HIVEP3: variants seen among roughly 807,000 people sequenced by gnomAD.
The protein encoded by HIVEP3 is HIVEP zinc finger 3.
Under a neutral mutation model 152.8 loss-of-function variants are expected in HIVEP3, and 49 were observed. The observed-to-expected ratio is 0.32, with a 90% confidence interval of 0.26 to 0.41. The LOEUF (loss-of-function observed/expected upper bound fraction) is 0.41, where lower values mean the gene tolerates loss of function less well. Among genes scored for constraint, HIVEP3 ranks in the 10% least tolerant of loss-of-function variants. The pLI is 1.00. For synonymous variants in HIVEP3, 1,269 were observed against 1,289.0 expected (o/e 0.98, Z 0.33); for missense variants, 2,790 against 3,103.3 (o/e 0.90, Z 2.40).
rs1644180037 is a variant in HIVEP3, at chr1:41,876,962, T to C, written c.-801+41451A>G. On this transcript the variant is annotated intron_variant, in intron 1 of 8. Coordinates refer to ENST00000372583, the MANE Select transcript of HIVEP3 (RefSeq NM_024503.5). ...GTTCAAAGCCCTGCTCTGTCCTCCCTCCAAGCCCTAAACCCCTCCTGAGTT... is the reference window on the plus strand; with the variant it reads ...GTTCAAAGCCCTGCTCTGTCCTCCCCCCAAGCCCTAAACCCCTCCTGAGTT... Among the ~76,000 whole-genome samples the C allele has an allele frequency of 2.0e-5, 3 of 152,246 alleles. No individual in the cohort carries two copies. The South Asian group carries it at 6.2e-4, about 32-fold the overall frequency.
At chr1:42,029,885 C>T (rs1294083405) in intron 1 of HIVEP3, among the ~76,000 whole-genome samples, 1 of 152,176 alleles carries the variant, frequency 6.6e-6, no homozygotes, top group African/African-American at 2.4e-5. Context: ...CCTGTAGTTC[C>T]GGGAGACACA....
chr1:41,769,224 C>G (rs541342438), intron 1 of HIVEP3, among the ~76,000 whole-genome samples: 1 of 152,236 alleles, frequency 6.6e-6, no homozygotes. Context: ...TTTACACTTG[C>G]AAAGCATTGT....
At chr1:41,628,492 T>G (rs1645148885) in intron 3 of HIVEP3, among the ~76,000 whole-genome samples, 1 of 151,954 alleles carries the variant, frequency 6.6e-6, no homozygotes, top group Non-Finnish European at 1.5e-5. Flanking sequence ...GAAACTGAGG[T>G]ACTGGGAGGG....
intron 1 of HIVEP3, among the ~76,000 whole-genome samples, chr1:42,005,536 A>C (rs1440585253): frequency 6.6e-6 from 1 of 152,186 alleles, no homozygotes; most frequent in Non-Finnish European, 1.5e-5. Flanking sequence ...GTAAAGGCTC[A>C]AACGATGGGG....
chr1:41,581,666 G>A lies in HIVEP3; in HGVS notation c.3132C>T (p.Phe1044=). 1 of 1,614,172 alleles carries A rather than the reference G, an allele frequency of 6.2e-7. No homozygotes were observed. Among genetic ancestry groups the A allele is most frequent in the East Asian group, 2.2e-5 (1 of 44,880 alleles). The change falls in exon 4 of 9, where the codon TTC becomes TTT. Residue 1044 remains phenylalanine, a synonymous_variant. Transcript: ENST00000372583. This position sits in a 1 kb window ranked among gnomAD's most constrained non-coding sequence, Gnocchi z 4.5. The part of the protein sequence containing the change: ...RVAPPERRKC[F]LVRQASLSRP... ...TGCTCAGAGAGGCCTGTCTCACCAA[G>A]AAGCATTTTCTTCTCTCTGGCGGGG...
At chr1:41,739,414 A>C (rs1157847384) in intron 1 of HIVEP3, among the ~76,000 whole-genome samples, 2 of 152,212 alleles carry the variant, frequency 1.3e-5, no homozygotes, top group South Asian at 2.1e-4. Flanking sequence ...CACTCCTTCC[A>C]GGAGCAGAGG....
At chr1:41,891,248 A>G (rs1481437532) in intron 1 of HIVEP3, among the ~76,000 whole-genome samples, 1 of 152,224 alleles carries the variant, frequency 6.6e-6, no homozygotes, top group African/African-American at 2.4e-5. Flanking sequence ...ACAGAAAAAA[A>G]ACAGGGAAAC....
At chr1:41,899,610 G>A (rs1233549199) in intron 1 of HIVEP3, among the ~76,000 whole-genome samples, 7 of 152,082 alleles carry the variant, frequency 4.6e-5, no homozygotes, top group East Asian at 1.9e-4. Flanking sequence ...GTTTCACCAC[G>A]TTGGCCGGGC....
rs540488217 is a variant in HIVEP3 at position 41,966,672 on chromosome 1, G to A, written n.120-48148C>T. On this transcript the variant is annotated intron_variant and non_coding_transcript_variant, in intron 1 of 3. Coordinates refer to the HIVEP3 transcript ENST00000489103. ...TTTTTTTTGTATTTTTAGTAGAGAC[G>A]GGGTTTCACCATGTTAGCCAGGATG... 2.5e-4 allele frequency among the ~76,000 whole-genome samples: 37 copies of A among 149,942 alleles called. No homozygotes were observed. The East Asian group carries it at 4.9e-3, about 20-fold the overall frequency.
chr1:41,745,508 C>G (rs1210097327), intron 1 of HIVEP3, among the ~76,000 whole-genome samples: 1 of 152,236 alleles, frequency 6.6e-6, no homozygotes, highest in Non-Finnish European at 1.5e-5. Flanking sequence ...CACTGAAGAT[C>G]CACTAGGCCT....
chr1:41,846,840 A>AT (rs1643458182), intron 1 of HIVEP3, among the ~76,000 whole-genome samples: 1 of 152,228 alleles, frequency 6.6e-6, no homozygotes, highest in South Asian at 2.1e-4. Context: ...TAATGAAAGA[A>AT]TGAACAAATG....
chr1:42,024,912 A>C (rs1237736855), intron 1 of HIVEP3, among the ~76,000 whole-genome samples: 2 of 152,238 alleles, frequency 1.3e-5, no homozygotes, highest in African/African-American at 4.8e-5. Context: ...TTACAGATTT[A>C]TTCTACTGTC....
intron 1 of HIVEP3, among the ~76,000 whole-genome samples, chr1:41,832,015 A>G (rs1013510739): frequency 1.3e-5 from 2 of 152,152 alleles, no homozygotes; most frequent in African/African-American, 4.8e-5. Flanking sequence ...TTTATCCACT[A>G]CACTAGAGCT....
intron 2 of HIVEP3, among the ~76,000 whole-genome samples, chr1:41,659,730 C>T (rs955459333): frequency 6.6e-6 from 1 of 152,224 alleles, no homozygotes; most frequent in African/African-American, 2.4e-5. Context: ...AAGCAATAGT[C>T]GGCCAATATC....
At chr1:41,618,516 C>G (rs1396495812) in intron 3 of HIVEP3, among the ~76,000 whole-genome samples, 3 of 152,208 alleles carry the variant, frequency 2.0e-5, no homozygotes, top group African/African-American at 7.2e-5. Context: ...CTGACAGCAG[C>G]GTCTGCCTGC....
rs531907518 is a variant in HIVEP3 at position 41,827,938 on chromosome 1, G to A, written c.-801+90475C>T. Among the ~76,000 whole-genome samples the A allele has an allele frequency of 3.4e-3, 511 of 152,224 alleles. 2 individuals carry two copies. The highest frequency in any genetic ancestry group is 6.0e-3 in the Non-Finnish European group (409 of 68,000). On this transcript the variant is annotated intron_variant, in intron 1 of 8. Transcript: ENST00000372583. ...AGGGACAGGAGGCAGGGAAGGGAGG[G>A]AAGAGGGAGAGGAGAGGCAGAGAAG...
chr1:41,971,944 G>C (rs1216939406), intron 1 of HIVEP3, among the ~76,000 whole-genome samples: 3 of 152,092 alleles, frequency 2.0e-5, no homozygotes, highest in Non-Finnish European at 4.4e-5. Context: ...TCCAGAGGAC[G>C]CAGCAACATG....
rs71062595 is a variant in HIVEP3, at chr1:41,605,371, A to ACGCG, written c.-521-20057_-521-20054dup. Among the ~76,000 whole-genome samples, 460 of 126,510 alleles carry ACGCG rather than the reference A, an allele frequency of 3.6e-3. 3 individuals are homozygous for ACGCG. The highest frequency in any genetic ancestry group is 0.023 in the East Asian group (113 of 4,954). The allele number at this position is 126,510 out of a possible 152,430, so 83.0% of individuals were successfully genotyped here. On this transcript the variant is annotated intron_variant, in intron 3 of 8. Coordinates refer to ENST00000372583, the MANE Select transcript of HIVEP3 (RefSeq NM_024503.5). ...ATAGATATTACATACACACACGCAC[A>ACGCG]CGCGCACACACACACACACACACAC...
intron 1 of HIVEP3, among the ~76,000 whole-genome samples, chr1:41,790,836 T>C (rs1164529295): frequency 6.6e-6 from 1 of 152,146 alleles, no homozygotes. Context: ...TGTCCTAGCA[T>C]ATCCCATGCT....
Sources: allele counts gnomAD v4.1 joint callset (sites outside exome capture counted in the v4.1 genomes callset), GRCh38; gene constraint gnomAD v4.1.1; non-coding constraint Gnocchi (gnomAD v3.1); transcripts MANE v1.5; gene names NCBI Gene and HGNC (gene_info 2026-07-23, HGNC 2026-07-21).